Variants in MECOM observed in about 807,000 individuals in gnomAD.
MECOM encodes MDS1 and EVI1 complex locus, also known as histone-lysine N-methyltransferase MECOM.
A neutral mutation model predicts 116.3 loss-of-function variants in MECOM; 13 were observed. The observed-to-expected ratio is 0.11, with a 90% CI of 0.07 to 0.18. The LOEUF (loss-of-function observed/expected upper bound fraction) is 0.18. Among genes scored for constraint, MECOM ranks in the 10% least tolerant of loss-of-function variants. The pLI is 1.00. For missense variants in MECOM, 1,299 were observed against 1,509.0 expected (o/e 0.86, Z 2.31); for synonymous variants, 528 against 535.2 (o/e 0.99, Z 0.19).
chr3:169,111,330 T>C (rs1157103554), intron 9 of MECOM, among the ~76,000 whole-genome samples: 1 of 152,192 alleles, frequency 6.6e-6, no homozygotes, highest in African/African-American at 2.4e-5. Flanking sequence ...CTGTAATTAA[T>C]ATTACTGTAA....
At chr3:169,412,794 T>C (rs16853677) in intron 1 of MECOM, among the ~76,000 whole-genome samples, 18,068 of 152,132 alleles carry the variant, frequency 0.12, 1,398 homozygotes, top group East Asian at 0.35. Flanking sequence ...CATTTGACTA[T>C]AAACCAACCA....
chr3:169,498,313 C>T (rs1276362516), intron 1 of MECOM, among the ~76,000 whole-genome samples: 1 of 152,124 alleles, frequency 6.6e-6, no homozygotes, highest in Non-Finnish European at 1.5e-5. Context: ...AGTGTAAGTA[C>T]ATGCCAAAAT....
chr3:169,084,938 T>C lies in MECOM; in HGVS notation c.3691A>G (p.Ser1231Gly), dbSNP rs867621042. ...ACGTGGCTTATGGACTGGATAGCAC[T>C]GGATTCCGCCGCAGCCCTGGCCATA... ...HSMARAAAESSAIQSISHV is the reference protein window; with the variant it reads ...HSMARAAAESGAIQSISHV Residue 1231 changes from serine (S) to glycine (G), a missense_variant, in exon 17 of 17, where the codon AGT becomes GGT. Physicochemically the swap from Ser to Gly is moderately conservative, Grantham distance 56. Around this residue, in one of 6 missense-constraint regions of MECOM, gnomAD observed 273 missense variants for 289.3 expected, o/e 0.94. Transcript: ENST00000651503. 6.2e-7 allele frequency: 1 copy of C among 1,614,084 alleles called. No individual in the cohort carries two copies. Among genetic ancestry groups the C allele is most frequent in the Admixed American group, 1.7e-5 (1 of 60,022 alleles).
intron 2 of MECOM, among the ~76,000 whole-genome samples, chr3:169,378,284 C>T (rs1481413329): frequency 1.3e-5 from 2 of 149,232 alleles, no homozygotes; most frequent in African/African-American, 2.5e-5. Flanking sequence ...AACAAACCTG[C>T]ATGTTCTGCA....
At chr3:169,603,716 G>A (rs1768121274) in intron 1 of MECOM, among the ~76,000 whole-genome samples, 1 of 152,178 alleles carries the variant, frequency 6.6e-6, no homozygotes, top group African/African-American at 2.4e-5. Context: ...TAGCCTAGGA[G>A]CAACAGGGTA....
chr3:169,485,691 G>A (rs1037595180), intron 1 of MECOM, among the ~76,000 whole-genome samples: 3 of 151,292 alleles, frequency 2.0e-5, no homozygotes, highest in African/African-American at 7.3e-5. Flanking sequence ...AAAAGGCTGC[G>A]TGCTCAGATA....
intron 2 of MECOM, among the ~76,000 whole-genome samples, chr3:169,329,168 T>A (rs1722336009): frequency 6.6e-6 from 1 of 152,224 alleles, no homozygotes; most frequent in Admixed American, 6.5e-5. Flanking sequence ...TTGGGAAACA[T>A]TAACTTTTTT....
At position 169,485,985 on chromosome 3, in the gene MECOM, G is replaced by C. The variant is rs1241881904; in HGVS notation, c.38-104461C>G. Among the ~76,000 whole-genome samples, 43 of 53,258 alleles carry C rather than the reference G, an allele frequency of 8.1e-4. No individual in the cohort carries two copies. The East Asian group carries it at 0.011, about 13-fold the overall frequency. 34.9% of individuals were successfully genotyped at this position (53,258 alleles called of 152,430 possible). On this transcript the variant is annotated intron_variant, in intron 1 of 16. Coordinates refer to ENST00000651503, the MANE Select transcript of MECOM (RefSeq NM_004991.4). ...TATACTATATATACATATATATATAGTATATATATGTATATATATACTATA... is the reference window on the plus strand; with the variant it reads ...TATACTATATATACATATATATATACTATATATATGTATATATATACTATA...
intron 2 of MECOM, among the ~76,000 whole-genome samples, chr3:169,287,521 T>C (rs1333571292): frequency 1.3e-5 from 2 of 152,136 alleles, no homozygotes; most frequent in African/African-American, 2.4e-5. Context: ...AAAGCATAAT[T>C]CCAGAGAAAT....
rs1179857771 is a variant in MECOM at position 169,345,259 on chromosome 3, T to C, written c.375+35928A>G. On this transcript the variant is annotated intron_variant, in intron 2 of 16. Transcript: ENST00000651503. ...GTACCTCAGTATTGCATAACAAATA[T>C]ACGATAAAAGACAGCTTCTGGCGTA... Among the ~76,000 whole-genome samples the C allele has an allele frequency of 2.0e-5, 3 of 152,144 alleles. No homozygotes were observed. In the East Asian group the frequency reaches 5.8e-4, roughly 29 times the overall value.
intron 1 of MECOM, among the ~76,000 whole-genome samples, chr3:169,393,117 G>A (rs1734489219): frequency 6.6e-6 from 1 of 152,128 alleles, no homozygotes. Flanking sequence ...TAGGACTGCT[G>A]TGATACCAGT....
At chr3:169,146,209 A>AG (rs1460892648) in intron 2 of MECOM, 9 of 1,132,344 alleles carry the variant, frequency 7.9e-6, no homozygotes, top group Non-Finnish European at 9.8e-6. Context: ...CAAAAGGAAA[A>AG]AAAAAAAAAT....
At chr3:169,122,426 C>T (rs1731337815) in intron 6 of MECOM, among the ~76,000 whole-genome samples, 154 bp downstream of exon 6, 3 of 152,204 alleles carry the variant, frequency 2.0e-5, no homozygotes, top group Admixed American at 6.5e-5. Context: ...ATACACTCTA[C>T]TAATGCCTTT....
At chr3:169,358,683 A>G (rs1231779866) in intron 2 of MECOM, among the ~76,000 whole-genome samples, 1 of 151,638 alleles carries the variant, frequency 6.6e-6, no homozygotes, top group South Asian at 2.1e-4. Context: ...CCTAGGGAGG[A>G]AGAATTTAGG....
At chr3:169,332,034 G>A (rs1722832820) in intron 2 of MECOM, among the ~76,000 whole-genome samples, 1 of 150,828 alleles carries the variant, frequency 6.6e-6, no homozygotes, top group Non-Finnish European at 1.5e-5. Flanking sequence ...GGATTATTGA[G>A]GTGTTTCTAC....
intron 3 of MECOM, 110 bp downstream of exon 3, chr3:169,143,588 C>G (rs1163457217): frequency 1.4e-5 from 15 of 1,038,140 alleles, no homozygotes; most frequent in Admixed American, 6.8e-5. Flanking sequence ...TTCACAATAT[C>G]AACAAACAGG....
At chr3:169,477,106 T>C (rs1578209789) in intron 1 of MECOM, 2 of 50,388 alleles carry the variant, frequency 4.0e-5, no homozygotes, top group Non-Finnish European at 7.2e-5. Context: ...TGTGTGTGTG[T>C]ATATATATAT....
Position 169,538,289 on chromosome 3 carries a change from AC to A in MECOM, c.37+125046del, listed in dbSNP as rs1221926055. ...GTGTTCAATTTTTGCCTAATTATTC[AC>A]CTACTTTCTTCGGATTGGGCCCAAG... On this transcript the variant is annotated intron_variant, in intron 1 of 16. Transcript: ENST00000651503. 1.2e-4 allele frequency among the ~76,000 whole-genome samples: 19 copies of A among 152,200 alleles called. 1 individual carries two copies. The highest frequency in any genetic ancestry group is 8.3e-4 in the South Asian group (4 of 4,824).
intron 2 of MECOM, among the ~76,000 whole-genome samples, chr3:169,271,551 C>T (rs949818807): frequency 6.6e-6 from 1 of 152,058 alleles, no homozygotes; most frequent in Non-Finnish European, 1.5e-5. Context: ...TAGGTGGGAG[C>T]TGAACTCGAG....
Sources: gnomAD v4.1 joint callset for allele counts (sites outside exome capture counted in the v4.1 genomes callset) on GRCh38, gnomAD v4.1.1 for gene constraint, gnomAD v4.1.1 regional missense constraint, MANE v1.5 for transcripts, NCBI Gene and HGNC (gene_info 2026-07-23, HGNC 2026-07-21) for gene names.